Variants in ILRUN observed in about 807,000 individuals in gnomAD.
ILRUN encodes inflammation and lipid regulator with UBA-like and NBR1-like domains, also known as protein ILRUN.
A neutral mutation model predicts 33.8 loss-of-function variants in ILRUN; 3 were observed. The observed-to-expected ratio is 0.09, with a 90% CI of 0.04 to 0.23. ILRUN has a LOEUF of 0.23. ILRUN is among the 10% of genes least tolerant of loss of function. ILRUN has a pLI of 1.00. For missense variants in ILRUN, 210 were observed against 375.1 expected (o/e 0.56, Z 3.64); for synonymous variants, 124 against 138.9 (o/e 0.89, Z 0.75).
chr6:34,635,544 AAAGG>A (rs571458905), intron 3 of ILRUN, among the ~76,000 whole-genome samples: 52 of 120,156 alleles, frequency 4.3e-4, no homozygotes, highest in African/African-American at 8.4e-4. Flanking sequence ...AAAAAGAAAG[AAAGG>A]AAGGAAGGAA....
At chr6:34,638,647 G>A (rs866029628) in intron 3 of ILRUN, among the ~76,000 whole-genome samples, 1 of 152,014 alleles carries the variant, frequency 6.6e-6, no homozygotes, top group Non-Finnish European at 1.5e-5. Context: ...TGAGGCTGTA[G>A]TGAGCCGTGA....
At position 34,590,525 on chromosome 6, in the gene ILRUN, C is replaced by T. The variant is rs754373352; in HGVS notation, c.*40G>A. On this transcript the variant is annotated 3_prime_UTR_variant, in exon 5 of 5. Coordinates refer to ENST00000374023, the MANE Select transcript of ILRUN (RefSeq NM_024294.4). Reference sequence around the variant, plus strand: ...TTGCCCTAACCCCCCAAAGTCAGGCCTTCTGTCTTTTGTTAATTTTTCTTC... The same window carrying T: ...TTGCCCTAACCCCCCAAAGTCAGGCTTTCTGTCTTTTGTTAATTTTTCTTC... 1.2e-6 allele frequency: 2 copies of T among 1,613,614 alleles called. No homozygotes were observed. The highest frequency in any genetic ancestry group is 2.2e-5 in the South Asian group (2 of 91,046).
intron 3 of ILRUN, among the ~76,000 whole-genome samples, chr6:34,642,686 G>T (rs1762495532): frequency 6.6e-6 from 1 of 151,802 alleles, no homozygotes; most frequent in African/African-American, 2.4e-5. Context: ...GAGGGCCTAA[G>T]AATAATAACA....
At chr6:34,598,121 C>A (rs1299335481) in intron 4 of ILRUN, among the ~76,000 whole-genome samples, 1 of 152,104 alleles carries the variant, frequency 6.6e-6, no homozygotes, top group Non-Finnish European at 1.5e-5. Context: ...ACCCAGGAGA[C>A]CTCACTTACT....
chr6:34,617,103 T>A (rs1439983428), intron 3 of ILRUN: 10 of 532,334 alleles, frequency 1.9e-5, no homozygotes, highest in Non-Finnish European at 3.3e-5. Context: ...TCTATACTGT[T>A]GGAAAATGCT....
intron 4 of ILRUN, among the ~76,000 whole-genome samples, chr6:34,605,577 C>T (rs568893811): frequency 2.6e-5 from 4 of 152,094 alleles, no homozygotes; most frequent in South Asian, 2.1e-4. Flanking sequence ...TGCAGTCAGC[C>T]GAGATTGTGT....
At chr6:34,642,104 T>C (rs1267435344) in intron 3 of ILRUN, among the ~76,000 whole-genome samples, 2 of 152,188 alleles carry the variant, frequency 1.3e-5, no homozygotes, top group South Asian at 4.1e-4. Flanking sequence ...CTATGGAAGA[T>C]CATTGATGCT....
At chr6:34,604,030 C>T (rs1291951056) in intron 4 of ILRUN, among the ~76,000 whole-genome samples, 1 of 152,182 alleles carries the variant, frequency 6.6e-6, no homozygotes, top group African/African-American at 2.4e-5. Context: ...AAAAAGGAGA[C>T]CCCAATTTCT....
At chr6:34,620,218 A>T (rs184468968) in intron 3 of ILRUN, among the ~76,000 whole-genome samples, 2 of 152,322 alleles carry the variant, frequency 1.3e-5, no homozygotes, top group East Asian at 3.9e-4. Context: ...AGGAATCACA[A>T]AATGTTTCAC....
intron 3 of ILRUN, among the ~76,000 whole-genome samples, chr6:34,614,439 A>ATAT (rs1478401653): frequency 1.6e-5 from 2 of 122,540 alleles, no homozygotes; most frequent in African/African-American, 7.5e-5. Flanking sequence ...AATAAAAAAA[A>ATAT]AAAAATATAT....
chr6:34,627,937 C>T (rs1762172394), intron 3 of ILRUN, among the ~76,000 whole-genome samples: 1 of 151,886 alleles, frequency 6.6e-6, no homozygotes, highest in African/African-American at 2.4e-5. Flanking sequence ...TTCCTGAACT[C>T]AAGTGATCCA....
chr6:34,684,680 T>C (rs1329411739), intron 1 of ILRUN, among the ~76,000 whole-genome samples: 2 of 151,996 alleles, frequency 1.3e-5, no homozygotes, highest in South Asian at 4.2e-4. Context: ...AGGATCAGTA[T>C]GTCAATTTCA....
intron 1 of ILRUN, among the ~76,000 whole-genome samples, chr6:34,693,392 T>C (rs1041897503): frequency 2.0e-5 from 3 of 152,124 alleles, no homozygotes; most frequent in African/African-American, 7.2e-5. Flanking sequence ...TCTTATTCTG[T>C]CGCCCAGGCT....
intron 1 of ILRUN, among the ~76,000 whole-genome samples, chr6:34,693,257 C>CA (rs1763683410): frequency 6.6e-6 from 1 of 152,078 alleles, no homozygotes; most frequent in African/African-American, 2.4e-5. Flanking sequence ...CTTATGTAGC[C>CA]AAAAAATAAG....
At chr6:34,644,905 G>C (rs1762537520) in intron 3 of ILRUN, among the ~76,000 whole-genome samples, 1 of 152,098 alleles carries the variant, frequency 6.6e-6, no homozygotes, top group Admixed American at 6.6e-5. Context: ...GGCATCTTTG[G>C]GGACTGACTG....
chr6:34,621,597 GC>G (rs1402302457), intron 3 of ILRUN, among the ~76,000 whole-genome samples: 1 of 152,198 alleles, frequency 6.6e-6, no homozygotes, highest in Non-Finnish European at 1.5e-5. Flanking sequence ...GGTGGCTCAT[GC>G]CTGTAATCCC....
chr6:34,690,985 T>C (rs191135176), intron 1 of ILRUN, among the ~76,000 whole-genome samples: 153 of 152,058 alleles, frequency 1.0e-3, no homozygotes, highest in Admixed American at 1.1e-3. Flanking sequence ...CCTGGGTTCA[T>C]GCCATTCTCC....
chr6:34,653,317 ACCTC>A (rs1383361119), intron 2 of ILRUN, among the ~76,000 whole-genome samples: 9 of 151,678 alleles, frequency 5.9e-5, no homozygotes, highest in South Asian at 2.1e-4. Context: ...TGCAACCTCC[ACCTC>A]CTGGGTTCAA....
intron 3 of ILRUN, among the ~76,000 whole-genome samples, chr6:34,622,178 T>C (rs1582052976): frequency 6.6e-6 from 1 of 152,148 alleles, no homozygotes; most frequent in South Asian, 2.1e-4. Context: ...CTTTATCACA[T>C]TGGATTTGGC....
Sources: gnomAD v4.1 joint callset for allele counts (sites outside exome capture counted in the v4.1 genomes callset) on GRCh38, gnomAD v4.1.1 for gene constraint, MANE v1.5 for transcripts, NCBI Gene and HGNC (gene_info 2026-07-23, HGNC 2026-07-21) for gene names.